The following LDLRAD4 variants were observed in gnomAD, a reference collection of about 807,000 sequenced individuals.
The protein encoded by LDLRAD4 is low density lipoprotein receptor class A domain containing 4, also known as low-density lipoprotein receptor class A domain-containing protein 4.
In LDLRAD4, 5 loss-of-function variants were observed where a neutral mutation model predicts 17.0. The observed-to-expected ratio is 0.29, with a 90% CI of 0.15 to 0.62. LDLRAD4 has a LOEUF of 0.62. LDLRAD4 is among the 20% of genes least tolerant of loss of function. LDLRAD4 has a pLI of 0.84. For missense variants in LDLRAD4, 340 were observed against 424.7 expected (o/e 0.80, Z 1.75); for synonymous variants, 168 against 171.8 (o/e 0.98, Z 0.17).
chr18:13,324,580 C>T (rs560272393), intron 1 of LDLRAD4, among the ~76,000 whole-genome samples: 4 of 152,172 alleles, frequency 2.6e-5, no homozygotes, highest in South Asian at 2.1e-4. Context: ...GGTGGCTTCT[C>T]GCAGGAGCAC....
At position 13,645,002 on chromosome 18, in the gene LDLRAD4, T is replaced by A. The variant is rs1422675247; in HGVS notation, c.391-125T>A. The A allele has an allele frequency of 8.9e-6, 7 of 788,404 alleles. No homozygotes were observed. Among genetic ancestry groups the A allele is most frequent in the Non-Finnish European group, 1.2e-5 (6 of 494,882 alleles). 48.8% of individuals were successfully genotyped at this position (788,404 alleles called of 1,614,324 possible). A position where few individuals can be genotyped will look rare whatever the true frequency, so the allele number is the denominator to read the frequency against. ...TGGATTTTCCTGTTTTCTTTTTTTT[T>A]TTCCTGGGAGATGGTGTTCAAACTG... On this transcript the variant is annotated intron_variant, in intron 5 of 5. Coordinates refer to ENST00000359446, the Ensembl canonical transcript of LDLRAD4. This position sits in a 1 kb window ranked among gnomAD's most constrained non-coding sequence, Gnocchi z 5.7.
chr18:13,509,626 C>T (rs937109683), intron 3 of LDLRAD4, among the ~76,000 whole-genome samples: 2 of 152,194 alleles, frequency 1.3e-5, no homozygotes, highest in South Asian at 2.1e-4. Context: ...ATTTCATAAA[C>T]TTAGTTGTTA....
chr18:13,397,945 G>A (rs1428809392), intron 2 of LDLRAD4, among the ~76,000 whole-genome samples: 2 of 152,254 alleles, frequency 1.3e-5, no homozygotes, highest in East Asian at 1.9e-4. Context: ...TGTCTGCCAC[G>A]GCAGGTGCTT....
chr18:13,383,179 G>T (rs1051700909), intron 1 of LDLRAD4, among the ~76,000 whole-genome samples: 1 of 152,222 alleles, frequency 6.6e-6, no homozygotes, highest in African/African-American at 2.4e-5. Flanking sequence ...CCTTCTCTGC[G>T]CTGTGTATAG....
intron 2 of LDLRAD4, among the ~76,000 whole-genome samples, chr18:13,396,271 G>A (rs919976685): frequency 6.6e-6 from 1 of 152,164 alleles, no homozygotes; most frequent in Non-Finnish European, 1.5e-5. Context: ...ATAACGTGGT[G>A]CCCTAGCTGG....
At chr18:13,343,287 G>A (rs2082486845) in intron 1 of LDLRAD4, among the ~76,000 whole-genome samples, 3 of 129,362 alleles carry the variant, frequency 2.3e-5, no homozygotes, top group African/African-American at 9.2e-5. Flanking sequence ...CTGTGTCCAT[G>A]TGTTCTCATT....
intron 1 of LDLRAD4, among the ~76,000 whole-genome samples, chr18:13,290,566 A>T (rs1332294974): frequency 6.6e-6 from 1 of 152,164 alleles, no homozygotes; most frequent in African/African-American, 2.4e-5. Context: ...TCTTTAAAAA[A>T]AAAAAAGATC....
chr18:13,270,116 A>G (rs1366107669), intron 1 of LDLRAD4, among the ~76,000 whole-genome samples: 1 of 152,098 alleles, frequency 6.6e-6, no homozygotes, highest in African/African-American at 2.4e-5. Flanking sequence ...ACATCTTAGC[A>G]CTTTGAGAGG....
intron 3 of LDLRAD4, among the ~76,000 whole-genome samples, chr18:13,588,994 T>G (rs1290204411): frequency 6.6e-6 from 1 of 151,372 alleles, no homozygotes; most frequent in Non-Finnish European, 1.5e-5. Context: ...AGTGGCGCTA[T>G]CTTGGTTCAT....
chr18:13,470,960 C>T (rs1287085758), intron 3 of LDLRAD4: 1 of 152,258 alleles, frequency 6.6e-6, no homozygotes, highest in East Asian at 1.9e-4. Context: ...CTGCATTCAC[C>T]TCTCCACGCC....
At chr18:13,247,917 G>T (rs1318672725) in intron 1 of LDLRAD4, among the ~76,000 whole-genome samples, 1 of 150,508 alleles carries the variant, frequency 6.6e-6, no homozygotes, top group Non-Finnish European at 1.5e-5. Context: ...GTGACCCAGT[G>T]GTTCAGAAAA....
chr18:13,380,426 C>G (rs1318407313), intron 1 of LDLRAD4, among the ~76,000 whole-genome samples: 25 of 152,172 alleles, frequency 1.6e-4, no homozygotes, highest in Admixed American at 1.6e-3. Context: ...CTGGTTCCAG[C>G]CCTGGCTTGC....
chr18:13,364,862 G>A (rs2083940535), intron 1 of LDLRAD4, among the ~76,000 whole-genome samples: 1 of 152,178 alleles, frequency 6.6e-6, no homozygotes, highest in Admixed American at 6.5e-5. Context: ...TCAGCTCAGC[G>A]CTCAGTGCAG....
At chr18:13,302,388 T>C (rs770491410) in intron 1 of LDLRAD4, among the ~76,000 whole-genome samples, 2 of 152,190 alleles carry the variant, frequency 1.3e-5, no homozygotes, top group Non-Finnish European at 2.9e-5. Flanking sequence ...AACAGCTTGC[T>C]GCGATGGTAT....
intron 3 of LDLRAD4, among the ~76,000 whole-genome samples, chr18:13,451,667 C>T (rs920492294): frequency 1.3e-5 from 2 of 152,164 alleles, no homozygotes; most frequent in Non-Finnish European, 2.9e-5. Context: ...CTGGGAAGTC[C>T]AGGATCAAGG....
At chr18:13,495,838 G>T (rs1464854498) in intron 3 of LDLRAD4, among the ~76,000 whole-genome samples, 1 of 152,180 alleles carries the variant, frequency 6.6e-6, no homozygotes. Context: ...CACCAGCACT[G>T]CCACTGCGCA....
At chr18:13,631,381 C>T (rs2041650215) in intron 4 of LDLRAD4, among the ~76,000 whole-genome samples, 1 of 152,078 alleles carries the variant, frequency 6.6e-6, no homozygotes, top group African/African-American at 2.4e-5. Flanking sequence ...AAATCTCCAA[C>T]CTGGACCACA....
intron 1 of LDLRAD4, among the ~76,000 whole-genome samples, chr18:13,247,914 A>G (rs528610067): frequency 6.7e-5 from 10 of 150,258 alleles, no homozygotes; most frequent in Non-Finnish European, 1.5e-4. Context: ...AGTGTGACCC[A>G]GTGGTTCAGA....
intron 3 of LDLRAD4, chr18:13,611,534 G>A (rs12605886): frequency 1.0e-6 from 1 of 985,088 alleles, no homozygotes; most frequent in Non-Finnish European, 1.2e-6. Context: ...TTTAGACCTC[G>A]GGGAAAAGAG....
Sources: gnomAD v4.1 joint callset for allele counts (sites outside exome capture counted in the v4.1 genomes callset) on GRCh38, gnomAD v4.1.1 for gene constraint, Gnocchi (gnomAD v3.1) non-coding constraint, MANE v1.5 for transcripts, NCBI Gene and HGNC (gene_info 2026-07-23, HGNC 2026-07-21) for gene names.